The following PSD3 variants were observed in gnomAD, a reference collection of about 807,000 sequenced individuals.
PSD3 encodes the protein pleckstrin and Sec7 domain containing 3, also known as PH and SEC7 domain-containing protein 3.
In PSD3, 49 loss-of-function variants were observed where a neutral mutation model predicts 105.5. The ratio of observed to expected loss-of-function variants is 0.46; its 90% confidence interval spans 0.37 to 0.59. The LOEUF (loss-of-function observed/expected upper bound fraction) is 0.59, where lower values mean the gene tolerates loss of function less well. Among genes scored for constraint, PSD3 ranks in the 20% least tolerant of loss-of-function variants. The pLI, the probability that PSD3 is intolerant of heterozygous loss-of-function variation, is 0.00. For missense variants in PSD3, 1,561 were observed against 1,263.8 expected (o/e 1.24, Z -3.57); for synonymous variants, 557 against 457.8 (o/e 1.22, Z -2.77).
At chr8:18,962,232 G>C (rs1823971628) in intron 1 of PSD3, among the ~76,000 whole-genome samples, 2 of 151,890 alleles carry the variant, frequency 1.3e-5, no homozygotes, top group Admixed American at 6.6e-5. Flanking sequence ...GGTGACAAGA[G>C]CGAGACTCCA....
chr8:18,542,113 A>G (rs1026571394), intron 15 of PSD3, among the ~76,000 whole-genome samples: 3 of 152,186 alleles, frequency 2.0e-5, no homozygotes, highest in African/African-American at 7.2e-5. Flanking sequence ...TGTGAGCTTC[A>G]AAATAAAGTG....
At chr8:18,727,386 G>A (rs1038554467) in intron 9 of PSD3, among the ~76,000 whole-genome samples, 31 of 148,216 alleles carry the variant, frequency 2.1e-4, no homozygotes, top group Non-Finnish European at 4.3e-4. Context: ...GTGGACACCT[G>A]TAATCGCAGC....
At chr8:19,082,391 C>T (rs939586537) in intron 1 of PSD3, among the ~76,000 whole-genome samples, 6 of 152,094 alleles carry the variant, frequency 3.9e-5, no homozygotes, top group Admixed American at 3.3e-4. Flanking sequence ...CACTTTAGTC[C>T]GCAAATCTCC....
In PSD3 at chr8:18,786,611, A is replaced by T. The variant is rs75382393; in HGVS notation, c.2082+12684T>A. ...AGTTAGGTGGGCAAGATGGATATAT[A>T]GATTCAGACCAACAAAAGCCAATTC... On this transcript the variant is annotated intron_variant, in intron 8 of 15. Transcript: ENST00000327040. Among the ~76,000 whole-genome samples the T allele has an allele frequency of 4.7e-3, 714 of 152,352 alleles. 8 individuals are homozygous for T. The highest frequency in any genetic ancestry group is 0.017 in the African/African-American group (691 of 41,584).
chr8:18,907,836 G>T (rs79179114), intron 2 of PSD3, among the ~76,000 whole-genome samples: 3 of 152,154 alleles, frequency 2.0e-5, no homozygotes, highest in African/African-American at 7.2e-5. Flanking sequence ...CATAGTTGCC[G>T]CATTTCAATT....
intron 14 of PSD3, among the ~76,000 whole-genome samples, chr8:18,570,418 TC>T (rs1172367504): frequency 1.7e-5 from 2 of 118,614 alleles, no homozygotes; most frequent in Admixed American, 2.0e-4. Context: ...GGCAAGGACT[TC>T]ATGTCTAAAA....
chr8:18,615,791 G>A (rs1051913487), intron 11 of PSD3, among the ~76,000 whole-genome samples: 10 of 152,212 alleles, frequency 6.6e-5, no homozygotes, highest in African/African-American at 2.2e-4. Flanking sequence ...AGCAAATCAG[G>A]TTTCCTCAAC....
chr8:18,789,185 C>G (rs968673480), intron 8 of PSD3, among the ~76,000 whole-genome samples: 2 of 152,188 alleles, frequency 1.3e-5, no homozygotes, highest in Non-Finnish European at 2.9e-5. Flanking sequence ...TTCAGAGATA[C>G]TGTTCCAGAT....
chr8:18,741,088 T>C (rs1460711390), intron 9 of PSD3, among the ~76,000 whole-genome samples: 1 of 152,206 alleles, frequency 6.6e-6, no homozygotes, highest in African/African-American at 2.4e-5. Flanking sequence ...TTGTTTTCTG[T>C]TGTCTGTTTT....
rs571540723 is a variant in PSD3 at position 18,554,891 on chromosome 8, G to T, written c.2928+1318C>A. Among the ~76,000 whole-genome samples, 3 of 152,284 alleles carry T rather than the reference G, an allele frequency of 2.0e-5. No homozygotes were observed. In the South Asian group the frequency reaches 6.2e-4, roughly 32 times the overall value. On this transcript the variant is annotated intron_variant, in intron 15 of 15. Coordinates refer to ENST00000327040, the MANE Select transcript of PSD3 (RefSeq NM_015310.4). Reference sequence around the variant, plus strand: ...GTCAGAAATGAAGATGATGGGAAGAGCATCTTAGGCAGAGGAAAGTAAGTG... The same window carrying T: ...GTCAGAAATGAAGATGATGGGAAGATCATCTTAGGCAGAGGAAAGTAAGTG...
intron 11 of PSD3, among the ~76,000 whole-genome samples, chr8:18,620,572 G>A (rs1163996920): frequency 1.3e-5 from 2 of 152,046 alleles, no homozygotes; most frequent in Admixed American, 1.3e-4. Flanking sequence ...AGTGGGGTGT[G>A]ACAGCACATT....
At chr8:18,828,873 C>A (rs1813441770) in intron 4 of PSD3, among the ~76,000 whole-genome samples, 1 of 152,068 alleles carries the variant, frequency 6.6e-6, no homozygotes, top group South Asian at 2.1e-4. Flanking sequence ...CTGAGGCAAG[C>A]AGATCACATG....
intron 11 of PSD3, among the ~76,000 whole-genome samples, chr8:18,615,413 C>G (rs1024899735): frequency 1.3e-5 from 2 of 152,166 alleles, no homozygotes; most frequent in African/African-American, 2.4e-5. Flanking sequence ...GGATAAGAAC[C>G]CCTTCCCCTC....
intron 1 of PSD3, among the ~76,000 whole-genome samples, chr8:18,996,027 C>G (rs1047225866): frequency 6.6e-6 from 1 of 151,978 alleles, no homozygotes; most frequent in Non-Finnish European, 1.5e-5. Context: ...AGAATCTTCA[C>G]TTCAACAATG....
In PSD3 at chr8:18,533,469, A is replaced by G. The variant is rs1034988028; in HGVS notation, c.*2274T>C. The stretch of plus-strand genomic sequence containing the variant: ...TATTAGTGACTCATATGACACGGAC[A>G]GTGCTATAGTGGTGCTGATGCTAGC... On this transcript the variant is annotated 3_prime_UTR_variant, in exon 16 of 16. Coordinates refer to ENST00000327040, the MANE Select transcript of PSD3 (RefSeq NM_015310.4). The G allele has an allele frequency of 1.3e-5, 2 of 152,256 alleles. No individual in the cohort carries two copies. Among genetic ancestry groups the G allele is most frequent in the Admixed American group, 1.3e-4 (2 of 15,288 alleles). The allele number at this position is 152,256 out of a possible 1,614,324, so 9.4% of individuals were successfully genotyped here.
At chr8:18,728,386 T>C (rs577336179) in intron 9 of PSD3, among the ~76,000 whole-genome samples, 5 of 152,208 alleles carry the variant, frequency 3.3e-5, no homozygotes, top group South Asian at 4.2e-4. Context: ...CAGGTGCACA[T>C]AGAAAGAACA....
At chr8:18,869,190 C>CTT (rs10648699) in intron 3 of PSD3, among the ~76,000 whole-genome samples, 54,358 of 119,402 alleles carry the variant, frequency 0.46, 14,030 homozygotes, top group African/African-American at 0.61. Context: ...CTCTCCCCTG[C>CTT]TTTTTTTTTT....
At chr8:19,052,864 T>C (rs1828581310) in intron 1 of PSD3, among the ~76,000 whole-genome samples, 1 of 152,012 alleles carries the variant, frequency 6.6e-6, no homozygotes, top group African/African-American at 2.4e-5. Flanking sequence ...GGGTGCAGCT[T>C]TGAATGTGAG....
At chr8:18,568,291 C>A (rs940911694) in intron 14 of PSD3, among the ~76,000 whole-genome samples, 3 of 144,184 alleles carry the variant, frequency 2.1e-5, no homozygotes, top group African/African-American at 7.7e-5. Context: ...CCTTTTCCCC[C>A]CTTTCTTGGC....
Sources: allele counts gnomAD v4.1 joint callset (sites outside exome capture counted in the v4.1 genomes callset), GRCh38; gene constraint gnomAD v4.1.1; transcripts MANE v1.5; gene names NCBI Gene and HGNC (gene_info 2026-07-23, HGNC 2026-07-21).